Variants in C16orf96 observed in about 807,000 individuals in gnomAD.
C16orf96 encodes the protein uncharacterized protein C16orf96.
C16orf96 carries 108 observed loss-of-function variants against 103.6 expected under a neutral mutation model. That is an observed-to-expected ratio of 1.04 (90% CI 0.89 to 1.22). The LOEUF is 1.22. C16orf96 is among the 50% of genes most tolerant of loss of function. The pLI is 0.00. For synonymous variants in C16orf96, 566 were observed against 593.5 expected (o/e 0.95, Z 0.67); for missense variants, 1,586 against 1,464.2 (o/e 1.08, Z -1.36).
chr16:4,563,252 G>T, intron 1 of C16orf96: 1 of 446,694 alleles, frequency 2.2e-6, no homozygotes, highest in South Asian at 2.1e-5. Context: ...TGACTGACTC[G>T]TTTGTTTTTA....
At chr16:4,597,869 T>C (rs1897206614) in intron 14 of C16orf96, among the ~76,000 whole-genome samples, 2 of 152,134 alleles carry the variant, frequency 1.3e-5, no homozygotes, top group Admixed American at 6.5e-5. Context: ...ATGTAACTTA[T>C]TGACTACTAT....
At chr16:4,591,845 AC>A (rs1897066763) in intron 10 of C16orf96, 61 bp downstream of exon 10, 3 of 1,286,042 alleles carry the variant, frequency 2.3e-6, no homozygotes, top group Non-Finnish European at 3.3e-6. Context: ...TGGGGAACAC[AC>A]CCTGGAAGCT....
rs1897094474 is a variant in C16orf96 at position 4,593,017 on chromosome 16, T to G, written c.2775-207T>G. Reference sequence around the variant, plus strand: ...AATAGAACAATTGTTTTTTGTGTCTTACTGTGATGATCAGAGGTCCTGAGA... The same window carrying G: ...AATAGAACAATTGTTTTTTGTGTCTGACTGTGATGATCAGAGGTCCTGAGA... On this transcript the variant is annotated intron_variant, in intron 11 of 15. Coordinates refer to ENST00000444310, the MANE Select transcript of C16orf96 (RefSeq NM_001145011.2). This position sits in a 1 kb window ranked among gnomAD's most constrained non-coding sequence, Gnocchi z 4.2. 6.6e-6 allele frequency among the ~76,000 whole-genome samples: 1 copy of G among 152,200 alleles called. No individual in the cohort carries two copies. The highest frequency in any genetic ancestry group is 2.4e-5 in the African/African-American group (1 of 41,444).
intron 7 of C16orf96, among the ~76,000 whole-genome samples, chr16:4,582,533 A>G (rs1249917232): frequency 2.6e-5 from 4 of 152,112 alleles, no homozygotes; most frequent in Non-Finnish European, 4.4e-5. Context: ...TTCACAGCCT[A>G]TGAAGTGGGG....
chr16:4,570,839 C>T (rs1424008877), intron 1 of C16orf96, among the ~76,000 whole-genome samples: 1 of 152,150 alleles, frequency 6.6e-6, no homozygotes, highest in African/African-American at 2.4e-5. Flanking sequence ...AGGCAGCCTG[C>T]TTCCCCTTTT....
intron 1 of C16orf96, among the ~76,000 whole-genome samples, chr16:4,558,672 CG>C (rs1403112504): frequency 6.6e-6 from 1 of 151,344 alleles, no homozygotes. Flanking sequence ...CCCAGCATTT[CG>C]GGAGGCCAAG....
At chr16:4,542,031 A>T in the C16orf96 span, among the ~76,000 whole-genome samples, 6 of 152,184 alleles carry the variant, frequency 3.9e-5, no homozygotes, top group African/African-American at 7.2e-5. Flanking sequence ...AATGGTTTAG[A>T]CCAAGAGAGG....
intron 7 of C16orf96, among the ~76,000 whole-genome samples, chr16:4,581,973 CAAGCAAA>C (rs1291969860): frequency 1.3e-5 from 2 of 151,446 alleles, no homozygotes; most frequent in African/African-American, 4.9e-5. Flanking sequence ...AGCAAAGAAA[CAAGCAAA>C]AAGCAAAAAA....
chr16:4,548,865 A>G, the C16orf96 span, among the ~76,000 whole-genome samples: 2 of 116,570 alleles, frequency 1.7e-5, no homozygotes, highest in Admixed American at 1.0e-4. Flanking sequence ...TGGGTGACAA[A>G]GTGAGACTCT....
intron 1 of C16orf96, among the ~76,000 whole-genome samples, chr16:4,570,730 T>A (rs534336697): frequency 6.6e-6 from 1 of 152,226 alleles, no homozygotes; most frequent in South Asian, 2.1e-4. Flanking sequence ...TCTCCCAAAG[T>A]GCTGGGATTA....
chr16:4,594,321 G>A (rs1433876345), intron 12 of C16orf96, 30 bp from the exon 13 acceptor site: 2 of 1,547,020 alleles, frequency 1.3e-6, no homozygotes, highest in Admixed American at 2.0e-5. Context: ...AGGGTCTCCA[G>A]GTCGCTGCTG....
chr16:4,575,920 G>C lies in C16orf96; in HGVS notation c.1440G>C (p.Lys480Asn). Residue 480 changes from lysine to asparagine, a missense_variant, in exon 5 of 16, where the codon AAG (lysine) becomes AAC (asparagine). Lys to Asn is a moderately conservative substitution (Grantham distance 94). Transcript: ENST00000444310. ...GGGCCCGCAAGGATGGGGCCCCCAA[G>C]GATAGAACTCGCAAGGATGGGGTCC... ...RERARKDGAP[K>N]DRTRKDGVPK... The C allele has an allele frequency of 6.4e-7, 1 of 1,551,560 alleles. No individual in the cohort carries two copies. Among genetic ancestry groups the C allele is most frequent in the South Asian group, 1.2e-5 (1 of 84,048 alleles).
intron 14 of C16orf96, among the ~76,000 whole-genome samples, chr16:4,598,229 C>A (rs1265281494): frequency 2.0e-5 from 3 of 151,940 alleles, no homozygotes; most frequent in Non-Finnish European, 4.4e-5. Flanking sequence ...AGGCTCCCTG[C>A]AGTCCCAGCT....
chr16:4,558,504 C>G (rs1035973556), intron 1 of C16orf96, among the ~76,000 whole-genome samples: 4 of 152,002 alleles, frequency 2.6e-5, no homozygotes, highest in East Asian at 3.9e-4. Flanking sequence ...AGTCTTACCT[C>G]AGGAGGCTGA....
chr16:4,555,297 C>T (rs1256557751), upstream of C16orf96, among the ~76,000 whole-genome samples: 1 of 145,882 alleles, frequency 6.9e-6, no homozygotes, highest in Non-Finnish European at 1.5e-5. Flanking sequence ...CACACACACA[C>T]ACACACACAC....
intron 1 of C16orf96, among the ~76,000 whole-genome samples, chr16:4,557,976 C>T (rs901140139): frequency 1.3e-5 from 2 of 152,194 alleles, no homozygotes; most frequent in African/African-American, 4.8e-5. Flanking sequence ...AGCCTTACCC[C>T]AATTTCTAAA....
chr16:4,594,659 A>T (rs751761552), intron 13 of C16orf96, 45 bp from the exon 14 acceptor site: 1 of 1,547,742 alleles, frequency 6.5e-7, no homozygotes, highest in South Asian at 1.2e-5. Context: ...TCGGGGGCAG[A>T]TCGGGTCGGG....
chr16:4,574,859 G>T, intron 3 of C16orf96, 70 bp downstream of exon 3: 1 of 1,526,254 alleles, frequency 6.6e-7, no homozygotes. Flanking sequence ...CCTGGGTGCT[G>T]AGGGTAGGGA....
the C16orf96 span, among the ~76,000 whole-genome samples, chr16:4,544,634 G>A: frequency 0.41 from 62,275 of 151,934 alleles, 14,545 homozygotes; most frequent in African/African-American, 0.64. Flanking sequence ...TAATTTTTCT[G>A]ACTACCAAAT....
Sources: allele counts gnomAD v4.1 joint callset (sites outside exome capture counted in the v4.1 genomes callset), GRCh38; gene constraint gnomAD v4.1.1; non-coding constraint Gnocchi (gnomAD v3.1); transcripts MANE v1.5; gene names NCBI Gene and HGNC (gene_info 2026-07-23, HGNC 2026-07-21).